FOXP1: variants seen among roughly 807,000 people sequenced by gnomAD.
FOXP1 encodes the protein forkhead box P1, also known as forkhead box protein P1.
FOXP1 carries 15 observed loss-of-function variants against 98.2 expected under a neutral mutation model. The observed-to-expected ratio is 0.15, with a 90% CI of 0.10 to 0.24. FOXP1 has a LOEUF of 0.24. Ranked by LOEUF, FOXP1 falls within the 10% of genes least tolerant of loss-of-function variation. FOXP1 has a pLI of 1.00. For synonymous variants in FOXP1, 371 were observed against 314.5 expected (o/e 1.18, Z -1.90); for missense variants, 633 against 848.5 (o/e 0.75, Z 3.15).
At chr3:71,084,861 C>T (rs976257686) in intron 7 of FOXP1, among the ~76,000 whole-genome samples, 5 of 152,148 alleles carry the variant, frequency 3.3e-5, no homozygotes, top group East Asian at 1.9e-4. Flanking sequence ...AGCAAGACCC[C>T]GTCTCTACTA....
Position 71,112,561 on chromosome 3 carries a change from C to G in FOXP1, c.257G>C (p.Arg86Thr), listed in dbSNP as rs2058030266. 6.2e-7 allele frequency: 1 copy of G among 1,613,836 alleles called. No homozygotes were observed. Among genetic ancestry groups the G allele is most frequent in the Non-Finnish European group, 8.5e-7 (1 of 1,179,864 alleles). Residue 86 changes from arginine (R) to threonine (T), a missense_variant, in exon 7 of 21, where the codon AGG becomes ACG. This residue lies in a region of FOXP1 where 210 missense variants were observed against 270.6 expected (regional missense o/e 0.78). Coordinates refer to ENST00000649528, the MANE Select transcript of FOXP1 (RefSeq NM_001349338.3). ...QQVSGLKSPK[R>T]NDKQPALQVP... Reference sequence around the variant, plus strand: ...CTGAAGAGCTGGTTGTTTGTCATTCCTCTTGGGAGATTTTAATCCACTAAC... The same window carrying G: ...CTGAAGAGCTGGTTGTTTGTCATTCGTCTTGGGAGATTTTAATCCACTAAC...
intron 7 of FOXP1, among the ~76,000 whole-genome samples, chr3:71,070,646 G>A (rs749181315): frequency 6.6e-6 from 1 of 152,162 alleles, no homozygotes; most frequent in African/African-American, 2.4e-5. Flanking sequence ...CCCCTGCTAC[G>A]GGAACCCTCC....
chr3:71,321,188 G>C (rs1358943780), intron 4 of FOXP1, among the ~76,000 whole-genome samples: 2 of 150,726 alleles, frequency 1.3e-5, no homozygotes, highest in East Asian at 1.9e-4. Context: ...TAAGGTCTCA[G>C]ATGAGCCTTA....
intron 3 of FOXP1, among the ~76,000 whole-genome samples, chr3:71,387,980 C>A (rs66535358): frequency 5.3e-5 from 8 of 152,058 alleles, no homozygotes; most frequent in East Asian, 1.9e-4. Context: ...CAATTTTTCC[C>A]GAAAGTCTGT....
rs1180316835 is a variant in FOXP1, at chr3:70,955,124, G to A, written c.*4123C>T. 4.3e-6 allele frequency: 1 copy of A among 232,096 alleles called. No homozygotes were observed. The highest frequency in any genetic ancestry group is 2.2e-5 in the African/African-American group (1 of 45,250). 14.4% of individuals were successfully genotyped at this position (232,096 alleles called of 1,614,324 possible). A position where few individuals can be genotyped will look rare whatever the true frequency, so the allele number is the denominator to read the frequency against. ...GTCATTAACCAAAAGGTACCAAAAA[G>A]ATTCAAAATCTGAATAAGCACACTC... On this transcript the variant is annotated 3_prime_UTR_variant, in exon 21 of 21. Transcript: ENST00000649528.
intron 3 of FOXP1, among the ~76,000 whole-genome samples, chr3:71,402,758 G>C (rs2082034181): frequency 1.3e-5 from 2 of 152,196 alleles, no homozygotes; most frequent in African/African-American, 4.8e-5. Flanking sequence ...CTGAGAAGTG[G>C]GAAGGGGAAA....
chr3:71,027,240 C>CACCCAAAAAAACCAACG (rs2046253768), intron 11 of FOXP1, among the ~76,000 whole-genome samples: 1 of 151,960 alleles, frequency 6.6e-6, no homozygotes, highest in South Asian at 2.1e-4. Flanking sequence ...GAACCAATGA[C>CACCCAAAAAAACCAACG]ACCCAAAAAA....
At chr3:71,581,870 TC>T (rs2048199805) in intron 1 of FOXP1, 173 bp from the exon 2 acceptor site, 5 of 983,916 alleles carry the variant, frequency 5.1e-6, no homozygotes, top group Non-Finnish European at 6.0e-6. Flanking sequence ...GCTCAGGGAA[TC>T]CCTGCAAGGA....
chr3:71,060,919 A>C (rs181644878), intron 7 of FOXP1, among the ~76,000 whole-genome samples: 2 of 152,166 alleles, frequency 1.3e-5, no homozygotes, highest in Admixed American at 1.3e-4. Context: ...GTATGTGTTC[A>C]GTATTCATTT....
At chr3:71,086,317 A>T (rs2055090364) in intron 7 of FOXP1, among the ~76,000 whole-genome samples, 1 of 152,174 alleles carries the variant, frequency 6.6e-6, no homozygotes. Flanking sequence ...GACTGTGCCC[A>T]TTACAGTTCT....
At chr3:71,090,251 A>C (rs941928413) in intron 7 of FOXP1, among the ~76,000 whole-genome samples, 2 of 152,162 alleles carry the variant, frequency 1.3e-5, no homozygotes, top group East Asian at 1.9e-4. Context: ...AGCTTCTTTC[A>C]CATTTTTCTT....
At chr3:71,262,207 A>T (rs1312939175) in intron 5 of FOXP1, among the ~76,000 whole-genome samples, 2 of 127,324 alleles carry the variant, frequency 1.6e-5, no homozygotes, top group African/African-American at 5.9e-5. Flanking sequence ...TGGAGGTTGC[A>T]GTGAGCCAAG....
At chr3:71,216,028 T>C (rs2064889011) in intron 5 of FOXP1, among the ~76,000 whole-genome samples, 1 of 152,230 alleles carries the variant, frequency 6.6e-6, no homozygotes, top group Admixed American at 6.5e-5. Flanking sequence ...ATACTGTGGA[T>C]ACAAGTGGTT....
At chr3:71,581,527 G>A (rs2048170595) in intron 2 of FOXP1, 22 bp downstream of exon 2, 6 of 985,436 alleles carry the variant, frequency 6.1e-6, no homozygotes, top group Non-Finnish European at 7.2e-6. Context: ...TGGACCCCGC[G>A]CCCGCGGCCG....
chr3:71,085,696 T>C (rs1393268586), intron 7 of FOXP1, among the ~76,000 whole-genome samples: 3 of 147,452 alleles, frequency 2.0e-5, no homozygotes, highest in Admixed American at 1.4e-4. Flanking sequence ...TATGTCCAAG[T>C]TTTCATTTGG....
chr3:71,148,324 C>T (rs2060414576), intron 6 of FOXP1, among the ~76,000 whole-genome samples: 1 of 152,030 alleles, frequency 6.6e-6, no homozygotes, highest in African/African-American at 2.4e-5. Context: ...TTGCAGTGAG[C>T]AGAGATCATG....
chr3:71,466,135 T>C (rs2108563620), intron 3 of FOXP1, among the ~76,000 whole-genome samples: 1 of 152,264 alleles, frequency 6.6e-6, no homozygotes, highest in Non-Finnish European at 1.5e-5. Context: ...TACAGACCCC[T>C]TGGAAACAGA....
At chr3:71,191,222 T>G (rs184780388) in intron 6 of FOXP1, among the ~76,000 whole-genome samples, 8 of 152,366 alleles carry the variant, frequency 5.3e-5, no homozygotes, top group African/African-American at 1.9e-4. Flanking sequence ...AGAGAGCAGA[T>G]AGGACCTGCC....
At position 70,957,163 on chromosome 3, in the gene FOXP1, T is replaced by TTTTG. The variant is rs1371012995; in HGVS notation, c.*2083_*2084insCAAA. On this transcript the variant is annotated 3_prime_UTR_variant, in exon 21 of 21. Transcript: ENST00000649528. The stretch of plus-strand genomic sequence containing the variant: ...GCAGTGGCATACATTCATTTTTTTT[T>TTTTG]TGAGATGGGACTCCCTTCCTTCTGT... 9.8e-5 allele frequency: 22 copies of TTTTG among 223,614 alleles called. No homozygotes were observed. Among genetic ancestry groups the TTTTG allele is most frequent in the African/African-American group, 4.7e-4 (21 of 44,948 alleles). The allele number at this position is 223,614 out of a possible 1,614,324, so 13.9% of individuals were successfully genotyped here.
Sources: gnomAD v4.1 joint callset for allele counts (sites outside exome capture counted in the v4.1 genomes callset) on GRCh38, gnomAD v4.1.1 for gene constraint, gnomAD v4.1.1 regional missense constraint, MANE v1.5 for transcripts, NCBI Gene and HGNC (gene_info 2026-07-23, HGNC 2026-07-21) for gene names.